Variants in RBFOX1 observed in about 807,000 individuals in gnomAD.
The protein encoded by RBFOX1 is RNA binding protein fox-1 homolog 1.
RBFOX1 carries 8 observed loss-of-function variants against 57.7 expected under a neutral mutation model. The ratio of observed to expected loss-of-function variants is 0.14; its 90% CI spans 0.08 to 0.25. RBFOX1 has a LOEUF of 0.25. Among genes scored for constraint, RBFOX1 ranks in the 10% least tolerant of loss-of-function variants. The pLI is 1.00. For missense variants in RBFOX1, 611 were observed against 548.5 expected (o/e 1.11, Z -1.14); for synonymous variants, 326 against 222.4 (o/e 1.47, Z -4.15).
chr16:6,920,748 T>G (rs886967615), intron 3 of RBFOX1, among the ~76,000 whole-genome samples: 1 of 152,210 alleles, frequency 6.6e-6, no homozygotes, highest in African/African-American at 2.4e-5. Flanking sequence ...TCATCTGCAG[T>G]GGGCTTTCCC....
chr16:7,177,133 A>G (rs894924534), intron 4 of RBFOX1, among the ~76,000 whole-genome samples: 10 of 152,218 alleles, frequency 6.6e-5, no homozygotes, highest in African/African-American at 1.9e-4. Flanking sequence ...TGCAAAGAAC[A>G]CGACACTTTG....
rs113156703 is a variant in RBFOX1 at position 5,263,148 on chromosome 16, A to G, written c.219+23043A>G. On this transcript the variant is annotated intron_variant, in intron 1 of 2. Transcript: ENST00000585867. ...TGGGCTTCTGCTATTCTAGCCGAGA[A>G]AGGTGGGGAATGGACTTCCAGTAGA... Among the ~76,000 whole-genome samples, 479 of 152,260 alleles carry G rather than the reference A, an allele frequency of 3.1e-3. 1 individual carries two copies. Among genetic ancestry groups the G allele is most frequent in the Middle Eastern group, 0.017 (5 of 294 alleles).
At chr16:6,653,298 A>G (rs778593444) in intron 2 of RBFOX1, among the ~76,000 whole-genome samples, 5 of 141,662 alleles carry the variant, frequency 3.5e-5, no homozygotes, top group Non-Finnish European at 7.4e-5. Context: ...ATTAAGTGAT[A>G]TGCATGGTTT....
chr16:6,019,843 G>A lies in RBFOX1; in HGVS notation c.-276G>A. ...GCGCCAGGGCGGGGCTGACCTGCCC[G>A]CGAAGTTGCGGACAGTGCGTGAGAA... On this transcript the variant is annotated 5_prime_UTR_variant, in exon 1 of 16. Transcript: ENST00000550418. The surrounding 1 kb of genome is among the most constrained non-coding windows in gnomAD (Gnocchi z 4.2). 6.6e-7 allele frequency: 1 copy of A among 1,524,688 alleles called. No individual in the cohort carries two copies. The highest frequency in any genetic ancestry group is 1.2e-5 in the South Asian group (1 of 82,984). 94.4% of individuals were successfully genotyped at this position (1,524,688 alleles called of 1,614,324 possible). A position where few individuals can be genotyped will look rare whatever the true frequency, so the allele number is the denominator to read the frequency against.
chr16:7,247,737 C>T (rs977184158), intron 4 of RBFOX1, among the ~76,000 whole-genome samples: 1 of 152,172 alleles, frequency 6.6e-6, no homozygotes, highest in Non-Finnish European at 1.5e-5. Context: ...AGGTTAAGTA[C>T]ATTTCCATTG....
chr16:7,424,173 G>C (rs1157524684), intron 4 of RBFOX1, among the ~76,000 whole-genome samples: 1 of 152,000 alleles, frequency 6.6e-6, no homozygotes, highest in African/African-American at 2.4e-5. Flanking sequence ...TCCAGTAGCA[G>C]ATTTTTGTCA....
intron 4 of RBFOX1, among the ~76,000 whole-genome samples, chr16:7,330,618 A>G (rs2096676625): frequency 6.6e-6 from 1 of 151,826 alleles, no homozygotes; most frequent in Non-Finnish European, 1.5e-5. Flanking sequence ...AAGTTTGCTT[A>G]TTGAAGCATT....
At chr16:5,570,871 T>G (rs1216166853) in intron 2 of RBFOX1, among the ~76,000 whole-genome samples, 1 of 151,862 alleles carries the variant, frequency 6.6e-6, no homozygotes, top group Non-Finnish European at 1.5e-5. Context: ...TTTCATAGAT[T>G]ACACTTATTA....
intron 1 of RBFOX1, among the ~76,000 whole-genome samples, chr16:6,283,678 A>T (rs1415168487): frequency 6.6e-6 from 1 of 152,200 alleles, no homozygotes; most frequent in Non-Finnish European, 1.5e-5. Context: ...ATAGTGACGG[A>T]GTTTCACGTT....
rs975236260 is a variant in RBFOX1, at chr16:6,019,234, C to T, written c.-885C>T. ...AGCGCTCTTGCTGGCCGTCTGGGTG[C>T]ACACACCGCTCCCTCGATCACCCCA... On this transcript the variant is annotated 5_prime_UTR_variant, in exon 1 of 16. Transcript: ENST00000550418. This position sits in a 1 kb window ranked among gnomAD's most constrained non-coding sequence, Gnocchi z 4.2. The T allele has an allele frequency of 1.0e-5, 10 of 985,112 alleles. No individual in the cohort carries two copies. The African/African-American group carries it at 1.6e-4, about 16-fold the overall frequency. The allele number at this position is 985,112 out of a possible 1,614,324, so 61.0% of individuals were successfully genotyped here.
chr16:5,638,307 C>G (rs1264478501), intron 3 of RBFOX1, among the ~76,000 whole-genome samples: 4 of 152,170 alleles, frequency 2.6e-5, no homozygotes, highest in African/African-American at 9.7e-5. Flanking sequence ...TGTACCACCA[C>G]TTTTCTATCT....
intron 4 of RBFOX1, among the ~76,000 whole-genome samples, chr16:7,200,766 C>T (rs146942250): frequency 1.3e-3 from 197 of 152,270 alleles, no homozygotes; most frequent in African/African-American, 4.6e-3. Context: ...ATTAGACATG[C>T]ATCCTGGGAA....
chr16:7,523,939 G>A (rs1029353976), intron 5 of RBFOX1, among the ~76,000 whole-genome samples: 2 of 152,110 alleles, frequency 1.3e-5, no homozygotes, highest in African/African-American at 4.8e-5. Context: ...ATTTCCTGTG[G>A]AACGAATTTA....
intron 4 of RBFOX1, among the ~76,000 whole-genome samples, chr16:7,339,194 G>T (rs2096847516): frequency 1.3e-5 from 2 of 152,152 alleles, no homozygotes; most frequent in African/African-American, 2.4e-5. Context: ...ACAAAAGCAG[G>T]AAGGCCTAGC....
At chr16:7,283,784 G>T (rs72769245) in intron 4 of RBFOX1, among the ~76,000 whole-genome samples, 13 of 152,276 alleles carry the variant, frequency 8.5e-5, no homozygotes, top group Non-Finnish European at 1.6e-4. Context: ...TCAAAGTCAG[G>T]TTTACTGAGG....
intron 3 of RBFOX1, among the ~76,000 whole-genome samples, chr16:6,949,421 A>C (rs1420305622): frequency 1.3e-5 from 2 of 152,170 alleles, no homozygotes; most frequent in South Asian, 2.1e-4. Flanking sequence ...CACCATAACA[A>C]AATACCACAG....
intron 4 of RBFOX1, among the ~76,000 whole-genome samples, chr16:7,349,338 G>C (rs184523716): frequency 1.3e-5 from 2 of 152,092 alleles, no homozygotes; most frequent in East Asian, 3.9e-4. Flanking sequence ...CGCAAGATCG[G>C]TTTTCAATTT....
intron 4 of RBFOX1, among the ~76,000 whole-genome samples, chr16:5,993,387 GAGAGAGAGAGAC>G: frequency 3.4e-5 from 1 of 29,050 alleles, no homozygotes; most frequent in Non-Finnish European, 7.8e-5. Flanking sequence ...GTGTGTGTGA[GAGAGAGAGAGAC>G]AGAGAGAGAG....
intron 4 of RBFOX1, among the ~76,000 whole-genome samples, chr16:7,386,731 G>A (rs898825510): frequency 2.6e-5 from 4 of 152,056 alleles, no homozygotes; most frequent in Non-Finnish European, 5.9e-5. Context: ...ATAATCCTTT[G>A]GGTATATATC....
Sources: allele counts gnomAD v4.1 joint callset (sites outside exome capture counted in the v4.1 genomes callset), GRCh38; gene constraint gnomAD v4.1.1; non-coding constraint Gnocchi (gnomAD v3.1); transcripts MANE v1.5; gene names NCBI Gene and HGNC (gene_info 2026-07-23, HGNC 2026-07-21).